MAP2K4: variants seen among roughly 807,000 people sequenced by gnomAD.
MAP2K4 encodes dual specificity mitogen-activated protein kinase kinase 4.
In MAP2K4, 4 loss-of-function variants were observed where a neutral mutation model predicts 48.5. The ratio of observed to expected loss-of-function variants is 0.08; its 90% CI spans 0.04 to 0.19. MAP2K4 has a LOEUF of 0.19. Among genes scored for constraint, MAP2K4 ranks in the 10% least tolerant of loss-of-function variants. MAP2K4 has a pLI of 1.00. For missense variants in MAP2K4, 258 were observed against 493.3 expected, an observed-to-expected ratio of 0.52 and a Z score of 4.52; for synonymous variants, 166 against 173.1, an observed-to-expected ratio of 0.96 and a Z score of 0.32.
chr17:12,069,038 G>T (rs1369998643), intron 2 of MAP2K4, among the ~76,000 whole-genome samples: 1 of 152,106 alleles, frequency 6.6e-6, no homozygotes, highest in East Asian at 1.9e-4. Context: ...AAAATTAAAA[G>T]ATGCTTGATA....
intron 7 of MAP2K4, among the ~76,000 whole-genome samples, chr17:12,120,541 C>CA (rs557448261): frequency 7.8e-5 from 11 of 141,574 alleles, no homozygotes; most frequent in Non-Finnish European, 1.4e-4. Flanking sequence ...CATTCCCCCC[C>CA]CCATAAAAAA....
At chr17:12,133,795 C>T (rs951642531) in intron 9 of MAP2K4, among the ~76,000 whole-genome samples, 2 of 152,180 alleles carry the variant, frequency 1.3e-5, no homozygotes, top group East Asian at 3.9e-4. Context: ...GACCCATATA[C>T]AACTCTGTAG....
At chr17:12,071,703 A>G (rs1235353736) in intron 2 of MAP2K4, among the ~76,000 whole-genome samples, 1 of 152,188 alleles carries the variant, frequency 6.6e-6, no homozygotes, top group Non-Finnish European at 1.5e-5. Flanking sequence ...TGGGAAATAT[A>G]TATATATGAT....
At chr17:12,080,023 T>C (rs1274063424) in intron 2 of MAP2K4, among the ~76,000 whole-genome samples, 1 of 152,230 alleles carries the variant, frequency 6.6e-6, no homozygotes, top group African/African-American at 2.4e-5. Flanking sequence ...GATTTGAAAG[T>C]CTGTTATTTG....
intron 4 of MAP2K4, among the ~76,000 whole-genome samples, chr17:12,097,279 C>T (rs113692301): frequency 1.2e-3 from 185 of 152,314 alleles, no homozygotes; most frequent in Middle Eastern, 3.4e-3. Context: ...TTTTTCAGTG[C>T]TGTATTCGTT....
intron 1 of MAP2K4, among the ~76,000 whole-genome samples, chr17:12,031,954 T>C (rs189993106): frequency 3.3e-4 from 51 of 152,276 alleles, no homozygotes; most frequent in African/African-American, 1.2e-3. Flanking sequence ...TGGACAGAAC[T>C]ATCTTAAAGG....
At chr17:12,101,229 A>G (rs910310418) in intron 4 of MAP2K4, among the ~76,000 whole-genome samples, 6 of 152,084 alleles carry the variant, frequency 3.9e-5, no homozygotes, top group Admixed American at 1.3e-4. Context: ...TAGTTTTTAT[A>G]TATATCGAGA....
chr17:12,066,419 TAGC>T (rs1970618331), intron 2 of MAP2K4, among the ~76,000 whole-genome samples: 1 of 152,222 alleles, frequency 6.6e-6, no homozygotes, highest in Non-Finnish European at 1.5e-5. Context: ...TTACACACAA[TAGC>T]AGTTTTTTTC....
At chr17:12,068,739 A>G (rs576586437) in intron 2 of MAP2K4, among the ~76,000 whole-genome samples, 231 of 151,172 alleles carry the variant, frequency 1.5e-3, no homozygotes, top group Non-Finnish European at 3.7e-4. Flanking sequence ...ATATCAAAAC[A>G]TACATATATA....
At chr17:12,028,819 T>C (rs1456564080) in intron 1 of MAP2K4, among the ~76,000 whole-genome samples, 2 of 152,168 alleles carry the variant, frequency 1.3e-5, no homozygotes, top group African/African-American at 4.8e-5. Flanking sequence ...TGATTTATAT[T>C]ATCAACCTAG....
At chr17:12,075,387 T>A (rs28923169) in intron 2 of MAP2K4, among the ~76,000 whole-genome samples, 7,348 of 152,290 alleles carry the variant, frequency 0.048, 253 homozygotes, top group Non-Finnish European at 0.074. Context: ...CAGTCATTGA[T>A]TTGAAAGCAT....
intron 1 of MAP2K4, among the ~76,000 whole-genome samples, chr17:12,048,205 G>A (rs1169235149): frequency 1.3e-5 from 2 of 152,136 alleles, no homozygotes; most frequent in African/African-American, 2.4e-5. Flanking sequence ...AATGCCCAAC[G>A]AAACAGTCTT....
intron 2 of MAP2K4, among the ~76,000 whole-genome samples, chr17:12,065,633 G>A (rs917518592): frequency 7.3e-5 from 11 of 151,472 alleles, no homozygotes; most frequent in South Asian, 4.2e-4. Context: ...ATGGGGTTTC[G>A]CCATGTTGGC....
chr17:12,076,055 T>C (rs186735390), intron 2 of MAP2K4, among the ~76,000 whole-genome samples: 25 of 152,210 alleles, frequency 1.6e-4, no homozygotes, highest in Middle Eastern at 3.4e-3. Flanking sequence ...GCTGCTGAAT[T>C]TGCACAGCAA....
intron 1 of MAP2K4, among the ~76,000 whole-genome samples, chr17:12,050,080 A>AGAGACGGTTTCCATT (rs1970087765): frequency 6.6e-6 from 1 of 152,202 alleles, no homozygotes; most frequent in African/African-American, 2.4e-5. Flanking sequence ...AAAATGTTGT[A>AGAGACGGTTTCCATT]GAGACGGTTT....
At chr17:12,093,608 ATAG>A (rs1337516755) in intron 3 of MAP2K4, among the ~76,000 whole-genome samples, 1 of 152,242 alleles carries the variant, frequency 6.6e-6, no homozygotes, top group South Asian at 2.1e-4. Flanking sequence ...CCTTTTAAAA[ATAG>A]TAGTTTATGT....
At chr17:12,064,883 G>A (rs181034269) in intron 2 of MAP2K4, among the ~76,000 whole-genome samples, 83 of 152,312 alleles carry the variant, frequency 5.4e-4, no homozygotes, top group African/African-American at 1.9e-3. Context: ...CCTCAATAAA[G>A]TGGAGAAAAT....
At chr17:12,130,594 A>G (rs1484837709) in intron 9 of MAP2K4, among the ~76,000 whole-genome samples, 1 of 151,886 alleles carries the variant, frequency 6.6e-6, no homozygotes, top group African/African-American at 2.4e-5. Flanking sequence ...GTACATGTTT[A>G]TTTCTGTTTC....
At chr17:12,097,803 C>T (rs1188872864) in intron 4 of MAP2K4, among the ~76,000 whole-genome samples, 1 of 152,050 alleles carries the variant, frequency 6.6e-6, no homozygotes. Context: ...CTTGCTGTTC[C>T]TTCTATTTTA....
Sources: gnomAD v4.1 joint callset for allele counts (sites outside exome capture counted in the v4.1 genomes callset) on GRCh38, gnomAD v4.1.1 for gene constraint, MANE v1.5 for transcripts, NCBI Gene and HGNC (gene_info 2026-07-23, HGNC 2026-07-21) for gene names.